The following CTNNA3 variants were observed in gnomAD, a reference collection of about 807,000 sequenced individuals.
CTNNA3 encodes catenin alpha-3.
Under a neutral mutation model 95.7 loss-of-function variants are expected in CTNNA3, and 76 were observed. That is an observed-to-expected ratio of 0.79 (90% CI 0.66 to 0.96). The LOEUF (loss-of-function observed/expected upper bound fraction) is 0.96. Among genes scored for constraint, CTNNA3 ranks in the 40% least tolerant of loss-of-function variants. CTNNA3 has a pLI of 0.00. For missense variants in CTNNA3, 1,191 were observed against 1,089.8 expected (o/e 1.09, Z -1.31); for synonymous variants, 431 against 374.4 (o/e 1.15, Z -1.74).
chr10:67,357,013 G>A (rs531500096), intron 5 of CTNNA3, among the ~76,000 whole-genome samples: 1 of 152,096 alleles, frequency 6.6e-6, no homozygotes, highest in Admixed American at 6.6e-5. Context: ...CTACACAACC[G>A]TTTAACGTCT....
intron 12 of CTNNA3, among the ~76,000 whole-genome samples, chr10:66,320,699 A>C (rs956594478): frequency 6.6e-6 from 1 of 152,122 alleles, no homozygotes; most frequent in Non-Finnish European, 1.5e-5. Flanking sequence ...ATAATATTCC[A>C]TATCTTCTAA....
rs546852857 is a variant in CTNNA3 at position 65,946,890 on chromosome 10, C to T, written c.2400+19722G>A. Among the ~76,000 whole-genome samples, 3 of 152,184 alleles carry T rather than the reference C, an allele frequency of 2.0e-5. No individual in the cohort carries two copies. The East Asian group carries it at 5.8e-4, about 29-fold the overall frequency. ...TAGGTAGTTAAAGTTCTATTCTGTA[C>T]AGTAATTGAATATTTCTGACATGTA... On this transcript the variant is annotated intron_variant, in intron 17 of 17. Coordinates refer to ENST00000433211, the MANE Select transcript of CTNNA3 (RefSeq NM_013266.4).
chr10:66,626,885 G>T (rs1844953690), intron 9 of CTNNA3, among the ~76,000 whole-genome samples: 1 of 151,810 alleles, frequency 6.6e-6, no homozygotes, highest in African/African-American at 2.4e-5. Flanking sequence ...GTTCTCCCAG[G>T]TGATTCTGAT....
chr10:67,408,255 G>A (rs754076541), intron 5 of CTNNA3, among the ~76,000 whole-genome samples: 10 of 152,070 alleles, frequency 6.6e-5, no homozygotes, highest in African/African-American at 1.2e-4. Context: ...AAATCAATAC[G>A]GAACCAAAAT....
intron 7 of CTNNA3, among the ~76,000 whole-genome samples, chr10:67,060,049 C>T (rs1589678033): frequency 6.6e-6 from 1 of 152,122 alleles, no homozygotes; most frequent in Non-Finnish European, 1.5e-5. Context: ...GACACAATGA[C>T]TCACACCTGT....
intron 7 of CTNNA3, among the ~76,000 whole-genome samples, chr10:66,778,912 G>T (rs1482464949): frequency 6.6e-6 from 1 of 152,068 alleles, no homozygotes; most frequent in Non-Finnish European, 1.5e-5. Flanking sequence ...GGAGGCGGAA[G>T]TTGCAGTGAG....
At chr10:66,835,111 T>C (rs949421362) in intron 7 of CTNNA3, among the ~76,000 whole-genome samples, 2 of 152,150 alleles carry the variant, frequency 1.3e-5, no homozygotes, top group Non-Finnish European at 2.9e-5. Context: ...GCAGTATGAC[T>C]CTGAATAATT....
At chr10:67,242,788 G>A (rs759789247) in intron 5 of CTNNA3, among the ~76,000 whole-genome samples, 7 of 152,216 alleles carry the variant, frequency 4.6e-5, no homozygotes, top group Non-Finnish European at 7.3e-5. Context: ...TCCAAGGCAG[G>A]AAGTCTGCCT....
rs190598814 is a variant in CTNNA3 at position 66,392,455 on chromosome 10, A to C, written c.1532-13103T>G. Among the ~76,000 whole-genome samples the C allele has an allele frequency of 2.6e-5, 4 of 152,118 alleles. No individual in the cohort carries two copies. The East Asian group carries it at 7.7e-4, about 29-fold the overall frequency. On this transcript the variant is annotated intron_variant, in intron 11 of 17. Transcript: ENST00000433211. ...AAAAAACAAAACAAAAAAAAGAATA[A>C]AAAGCCACAGACTGGAAGATAACAT... is the stretch of plus-strand genomic sequence containing the variant.
At chr10:66,580,566 A>C (rs1843151847) in intron 10 of CTNNA3, among the ~76,000 whole-genome samples, 1 of 151,758 alleles carries the variant, frequency 6.6e-6, no homozygotes, top group South Asian at 2.1e-4. Context: ...TCATCTATTA[A>C]ATGTATTTTT....
intron 2 of CTNNA3, among the ~76,000 whole-genome samples, chr10:67,633,573 C>T (rs1839213385): frequency 6.6e-6 from 1 of 152,242 alleles, no homozygotes; most frequent in Admixed American, 6.5e-5. Context: ...ACTGGTGATA[C>T]TTCCAGGTAA....
chr10:67,545,667 C>T (rs1463452892), intron 3 of CTNNA3, among the ~76,000 whole-genome samples: 2 of 152,044 alleles, frequency 1.3e-5, no homozygotes, highest in Admixed American at 6.6e-5. Flanking sequence ...TAGGTAGCTT[C>T]GCAAGTGTCA....
intron 5 of CTNNA3, among the ~76,000 whole-genome samples, chr10:67,507,584 T>C (rs1270960026): frequency 2.0e-5 from 3 of 148,226 alleles, no homozygotes; most frequent in Non-Finnish European, 4.5e-5. Flanking sequence ...ATTAAATCAA[T>C]AATTAAAAAG....
At chr10:66,942,668 C>G (rs1296957596) in intron 7 of CTNNA3, among the ~76,000 whole-genome samples, 3 of 151,918 alleles carry the variant, frequency 2.0e-5, no homozygotes, top group Middle Eastern at 3.4e-3. Flanking sequence ...CTCACTCTCT[C>G]TTTCCTTTCT....
intron 5 of CTNNA3, among the ~76,000 whole-genome samples, chr10:67,272,793 G>A (rs1839038112): frequency 6.6e-6 from 1 of 152,008 alleles, no homozygotes; most frequent in Non-Finnish European, 1.5e-5. Flanking sequence ...GACATTTTCT[G>A]ATTGATCTCT....
chr10:67,125,669 C>T (rs183858379), intron 7 of CTNNA3, among the ~76,000 whole-genome samples: 1 of 152,270 alleles, frequency 6.6e-6, no homozygotes, highest in Admixed American at 6.5e-5. Flanking sequence ...ACGCATATAA[C>T]TTACACAACT....
intron 7 of CTNNA3, among the ~76,000 whole-genome samples, chr10:67,043,516 T>C (rs564560179): frequency 6.6e-6 from 1 of 152,316 alleles, no homozygotes; most frequent in South Asian, 2.1e-4. Flanking sequence ...AGTATAGGGT[T>C]TATTTCAATG....
chr10:67,701,267 A>G (rs1272017102), intron 1 of CTNNA3, among the ~76,000 whole-genome samples: 1 of 152,206 alleles, frequency 6.6e-6, no homozygotes, highest in Non-Finnish European at 1.5e-5. Flanking sequence ...CTCAGGAAAT[A>G]CAGAGAATGT....
At chr10:67,185,877 A>G (rs1317680312) in intron 6 of CTNNA3, among the ~76,000 whole-genome samples, 21 of 151,834 alleles carry the variant, frequency 1.4e-4, no homozygotes, top group Admixed American at 1.4e-3. Flanking sequence ...AAAATTAGCT[A>G]GGCATGGTGG....
Sources: gnomAD v4.1 joint callset for allele counts (sites outside exome capture counted in the v4.1 genomes callset) on GRCh38, gnomAD v4.1.1 for gene constraint, MANE v1.5 for transcripts, NCBI Gene and HGNC (gene_info 2026-07-23, HGNC 2026-07-21) for gene names.